The following RHBDD1 variants were observed in gnomAD, a reference collection of about 807,000 sequenced individuals.
RHBDD1 encodes rhomboid-related protein 4.
In RHBDD1, 38 loss-of-function variants were observed where a neutral mutation model predicts 36.3. The ratio of observed to expected loss-of-function variants is 1.05; its 90% CI spans 0.81 to 1.37. The LOEUF (loss-of-function observed/expected upper bound fraction) is 1.37, where lower values mean the gene tolerates loss of function less well. RHBDD1 is among the 40% of genes most tolerant of loss of function. The pLI, the probability that RHBDD1 is intolerant of heterozygous loss-of-function variation, is 0.00. For synonymous variants in RHBDD1, 151 were observed against 136.5 expected, an observed-to-expected ratio of 1.11 and a Z score of -0.74; for missense variants, 393 against 377.6, an observed-to-expected ratio of 1.04 and a Z score of -0.34.
chr2:226,887,572 T>G (rs1163256470), intron 5 of RHBDD1, among the ~76,000 whole-genome samples: 1 of 152,222 alleles, frequency 6.6e-6, no homozygotes, highest in African/African-American at 2.4e-5. Flanking sequence ...TTTTGTGAAG[T>G]GTGATGCACC....
At chr2:226,803,333 T>TGTGTGA in the RHBDD1 span, among the ~76,000 whole-genome samples, 701 of 147,746 alleles carry the variant, frequency 4.7e-3, 3 homozygotes, top group African/African-American at 0.016. Flanking sequence ...TGTGTGTGTG[T>TGTGTGA]GAGAGAGAGA....
intron 5 of RHBDD1, among the ~76,000 whole-genome samples, chr2:226,895,008 C>A (rs553137481): frequency 1.2e-4 from 19 of 152,124 alleles, no homozygotes; most frequent in South Asian, 1.2e-3. Flanking sequence ...TGGCTAGAGC[C>A]CAGGGTGTGG....
intron 5 of RHBDD1, among the ~76,000 whole-genome samples, chr2:226,878,763 G>A (rs1187009260): frequency 2.0e-5 from 3 of 152,176 alleles, no homozygotes; most frequent in African/African-American, 7.2e-5. Context: ...CCAAGAAAAC[G>A]TTTCTTTGGT....
chr2:226,976,973 CA>C (rs1474874158), intron 8 of RHBDD1, among the ~76,000 whole-genome samples: 8 of 152,234 alleles, frequency 5.3e-5, no homozygotes, highest in Admixed American at 3.3e-4. Context: ...GGGTGGATGG[CA>C]GAGGCCTCTT....
chr2:226,863,196 A>G (rs13430669), intron 3 of RHBDD1, among the ~76,000 whole-genome samples: 61,217 of 151,870 alleles, frequency 0.4, 17,137 homozygotes, highest in African/African-American at 0.81. Context: ...AAAAATAGCC[A>G]GGCATGGTGA....
intron 8 of RHBDD1, among the ~76,000 whole-genome samples, chr2:226,917,451 A>C (rs565942449): frequency 1.3e-5 from 2 of 152,260 alleles, no homozygotes; most frequent in African/African-American, 4.8e-5. Flanking sequence ...AGATGCTATA[A>C]GACTCGCTTG....
chr2:226,866,651 A>G (rs926810822), intron 4 of RHBDD1, among the ~76,000 whole-genome samples: 6 of 152,214 alleles, frequency 3.9e-5, no homozygotes, highest in African/African-American at 1.4e-4. Flanking sequence ...CGTTCTAAAT[A>G]TTAGAATGTG....
chr2:226,963,432 CTTTTT>C (rs1038716292), intron 8 of RHBDD1, among the ~76,000 whole-genome samples: 1 of 152,076 alleles, frequency 6.6e-6, no homozygotes, highest in African/African-American at 2.4e-5. Flanking sequence ...CTTTACTTTT[CTTTTT>C]GTTAGTAGAT....
chr2:226,806,953 G>C, the RHBDD1 span, among the ~76,000 whole-genome samples: 3 of 152,272 alleles, frequency 2.0e-5, no homozygotes, highest in South Asian at 4.1e-4. Context: ...CAATGGATTC[G>C]AGTTTACCTA....
intron 3 of RHBDD1, among the ~76,000 whole-genome samples, chr2:226,854,432 A>C (rs773470110): frequency 1.3e-5 from 2 of 151,920 alleles, no homozygotes; most frequent in East Asian, 3.9e-4. Flanking sequence ...GTCTCTACTA[A>C]AAAATACAAA....
At chr2:226,992,384 G>A (rs1575578847) in intron 8 of RHBDD1, among the ~76,000 whole-genome samples, 2 of 152,180 alleles carry the variant, frequency 1.3e-5, no homozygotes, top group East Asian at 3.8e-4. Flanking sequence ...TTCAGAGTTG[G>A]AAACAAAGCA....
intron 8 of RHBDD1, among the ~76,000 whole-genome samples, chr2:226,963,395 G>A (rs1952370609): frequency 6.6e-6 from 1 of 152,096 alleles, no homozygotes; most frequent in Non-Finnish European, 1.5e-5. Flanking sequence ...AGTTGTGCTT[G>A]GTAGTAAAGT....
chr2:226,921,451 T>C (rs1273237339), intron 8 of RHBDD1, among the ~76,000 whole-genome samples: 1 of 152,144 alleles, frequency 6.6e-6, no homozygotes, highest in African/African-American at 2.4e-5. Context: ...TTTTCTACCT[T>C]TTAGATACAG....
chr2:226,910,290 C>G (rs553986093), intron 7 of RHBDD1, among the ~76,000 whole-genome samples: 1 of 152,130 alleles, frequency 6.6e-6, no homozygotes, highest in African/African-American at 2.4e-5. Context: ...AATAAAAAGC[C>G]CTTTTTACCT....
intron 3 of RHBDD1, among the ~76,000 whole-genome samples, chr2:226,850,466 G>A (rs936020183): frequency 2.0e-5 from 3 of 152,082 alleles, no homozygotes; most frequent in East Asian, 1.9e-4. Flanking sequence ...AAAACTGTTC[G>A]GGTTGGATTT....
chr2:226,815,409 T>C, the RHBDD1 span, among the ~76,000 whole-genome samples: 1 of 152,260 alleles, frequency 6.6e-6, no homozygotes, highest in Non-Finnish European at 1.5e-5. Context: ...CTACTTTTTA[T>C]GTAGTTTGGA....
At chr2:226,816,901 C>CCA in the RHBDD1 span, among the ~76,000 whole-genome samples, 6 of 144,428 alleles carry the variant, frequency 4.2e-5, no homozygotes, top group East Asian at 1.4e-3. Context: ...CTCAAAAAAA[C>CCA]CACACACACA....
At chr2:226,821,947 GTGT>G in the RHBDD1 span, among the ~76,000 whole-genome samples, 5 of 151,928 alleles carry the variant, frequency 3.3e-5, no homozygotes, top group Non-Finnish European at 7.4e-5. Flanking sequence ...AAAAAATTTC[GTGT>G]TATTATGTCA....
chr2:226,979,881 C>T (rs1428352066), intron 8 of RHBDD1, among the ~76,000 whole-genome samples: 2 of 152,198 alleles, frequency 1.3e-5, no homozygotes, highest in African/African-American at 4.8e-5. Flanking sequence ...ATACAGGTGA[C>T]TCAAACATAG....
Sources: gnomAD v4.1 joint callset for allele counts (sites outside exome capture counted in the v4.1 genomes callset) on GRCh38, gnomAD v4.1.1 for gene constraint, MANE v1.5 for transcripts, NCBI Gene and HGNC (gene_info 2026-07-23, HGNC 2026-07-21) for gene names.